The following TRERF1 variants were observed in gnomAD, a reference collection of about 807,000 sequenced individuals.
TRERF1 encodes the protein transcriptional regulating factor 1, also known as transcriptional-regulating factor 1.
Under a neutral mutation model 122.9 loss-of-function variants are expected in TRERF1, and 27 were observed. The observed-to-expected ratio is 0.22, with a 90% CI of 0.16 to 0.30. The LOEUF is 0.30. Among genes scored for constraint, TRERF1 ranks in the 10% least tolerant of loss-of-function variants. TRERF1 has a pLI of 1.00. For missense variants in TRERF1, 1,248 were observed against 1,560.3 expected (o/e 0.80, Z 3.37); for synonymous variants, 636 against 641.7 (o/e 0.99, Z 0.13).
At chr6:42,242,390 A>G (rs909614308) in intron 15 of TRERF1, among the ~76,000 whole-genome samples, 1 of 152,054 alleles carries the variant, frequency 6.6e-6, no homozygotes, top group African/African-American at 2.4e-5. Flanking sequence ...GAATGAAAAT[A>G]TAATTTCAAA....
Position 42,267,646 on chromosome 6 carries a change from CAAAAAT to C in TRERF1, c.1437+502_1437+507del, listed in dbSNP as rs1428448305. Among the ~76,000 whole-genome samples, 79 of 152,096 alleles carry C rather than the reference CAAAAAT, an allele frequency of 5.2e-4. 1 individual carries two copies. Among genetic ancestry groups the C allele is most frequent in the African/African-American group, 1.9e-3 (77 of 41,476 alleles). ...GACTCCATCTCAAAAAAAACAAAAA[CAAAAAT>C]AAAAACAAAAACCCTGGTGTATTTA... On this transcript the variant is annotated intron_variant, in intron 5 of 17. Coordinates refer to ENST00000372922, the Ensembl canonical transcript of TRERF1.
intron 3 of TRERF1, among the ~76,000 whole-genome samples, chr6:42,309,631 T>A (rs1787886442): frequency 6.6e-6 from 1 of 152,222 alleles, no homozygotes; most frequent in Admixed American, 6.5e-5. Context: ...AATTGGACTT[T>A]GCTATCCCCA....
chr6:42,255,523 C>T (rs1170682151), intron 12 of TRERF1, among the ~76,000 whole-genome samples: 1 of 152,226 alleles, frequency 6.6e-6, no homozygotes, highest in African/African-American at 2.4e-5. Flanking sequence ...GAGTACGTCC[C>T]TCACCTGGGA....
At chr6:42,289,793 G>A (rs933357726) in intron 4 of TRERF1, among the ~76,000 whole-genome samples, 1 of 152,208 alleles carries the variant, frequency 6.6e-6, no homozygotes, top group Non-Finnish European at 1.5e-5. Context: ...ATGGACTGGA[G>A]GAAGGTGAAT....
intron 3 of TRERF1, among the ~76,000 whole-genome samples, chr6:42,346,143 C>T (rs1291490820): frequency 1.3e-5 from 2 of 152,220 alleles, no homozygotes; most frequent in Admixed American, 6.5e-5. Flanking sequence ...AGAGGGTGGG[C>T]TCATGCTCAG....
chr6:42,246,493 G>A (rs773898785), exon 14 of TRERF1: 1 of 1,599,646 alleles, frequency 6.3e-7, no homozygotes, highest in Non-Finnish European at 8.5e-7. Flanking sequence ...GCTGTAAGTG[G>A]CTAGTGCTTT....
At chr6:42,372,968 G>T (rs115503728) in intron 2 of TRERF1, among the ~76,000 whole-genome samples, 126 of 152,266 alleles carry the variant, frequency 8.3e-4, no homozygotes, top group African/African-American at 3.0e-3. Context: ...TGAGCAACTG[G>T]GTAGCTTGCT....
intron 2 of TRERF1, among the ~76,000 whole-genome samples, chr6:42,433,904 AG>A (rs1212732984): frequency 1.3e-5 from 2 of 152,114 alleles, no homozygotes; most frequent in Non-Finnish European, 2.9e-5. Context: ...GCACACCTAC[AG>A]TCCCAGCTAC....
Position 42,282,417 on chromosome 6 carries a change from G to A in TRERF1, c.-258-12569C>T, listed in dbSNP as rs572999328. 2.0e-5 allele frequency among the ~76,000 whole-genome samples: 3 copies of A among 152,252 alleles called. No homozygotes were observed. The South Asian group carries it at 6.2e-4, about 32-fold the overall frequency. ...ACAAAAATCAGCCAGGTGTGGTGGTGCACACTTGTAGTCCCAGCTACTTGG... is the reference window on the plus strand; with the variant it reads ...ACAAAAATCAGCCAGGTGTGGTGGTACACACTTGTAGTCCCAGCTACTTGG... On this transcript the variant is annotated intron_variant, in intron 4 of 17. Transcript: ENST00000372922.
chr6:42,259,947 C>G lies in TRERF1; in HGVS notation c.1885-224G>C, dbSNP rs1430619235. ...AGGTTTTGGAAGAAATCCCTAATTTCTGAAAGAGCTGGGGGTGGTAGGAAT... is the reference window on the plus strand; with the variant it reads ...AGGTTTTGGAAGAAATCCCTAATTTGTGAAAGAGCTGGGGGTGGTAGGAAT... On this transcript the variant is annotated intron_variant, in intron 8 of 17. Coordinates refer to ENST00000372922, the Ensembl canonical transcript of TRERF1. The surrounding 1 kb of genome is among the most constrained non-coding windows in gnomAD (Gnocchi z 4.9). Among the ~76,000 whole-genome samples, 1 of 151,824 alleles carries G rather than the reference C, an allele frequency of 6.6e-6. No individual in the cohort carries two copies. Among genetic ancestry groups the G allele is most frequent in the Non-Finnish European group, 1.5e-5 (1 of 67,972 alleles).
In TRERF1 at chr6:42,269,839, T is replaced by C; in HGVS notation, c.-249A>G. The C allele has an allele frequency of 1.0e-6, 1 of 977,482 alleles. No homozygotes were observed. Among genetic ancestry groups the C allele is most frequent in the Non-Finnish European group, 1.4e-6 (1 of 719,874 alleles). 60.6% of individuals were successfully genotyped at this position (977,482 alleles called of 1,614,324 possible). A position where few individuals can be genotyped will look rare whatever the true frequency, so the allele number is the denominator to read the frequency against. On this transcript the variant is annotated 5_prime_UTR_variant, in exon 5 of 18. Coordinates refer to ENST00000372922, the Ensembl canonical transcript of TRERF1. The surrounding 1 kb of genome is among the most constrained non-coding windows in gnomAD (Gnocchi z 4.9). ...CACACAGCACTGTGGTGAGGAGACG[T>C]CGCTCACACCTGCAAGGCAAGATGC...
chr6:42,246,715 C>A (rs1004826565), intron 13 of TRERF1, among the ~76,000 whole-genome samples, 171 bp from the exon 14 acceptor site: 1 of 152,132 alleles, frequency 6.6e-6, no homozygotes, highest in Non-Finnish European at 1.5e-5. Context: ...AGCTCTGACA[C>A]CTGGGTTCAA....
chr6:42,375,596 C>T (rs1289384570), intron 2 of TRERF1, among the ~76,000 whole-genome samples: 3 of 152,112 alleles, frequency 2.0e-5, no homozygotes, highest in Admixed American at 1.3e-4. Context: ...GTTCCAAAGG[C>T]GATTAAGACA....
chr6:42,418,214 T>C (rs1479435710), intron 2 of TRERF1, among the ~76,000 whole-genome samples: 1 of 54,100 alleles, frequency 1.8e-5, no homozygotes, highest in Admixed American at 3.3e-4. Flanking sequence ...TTTCTTTTTC[T>C]TTCCTTTTTT....
At chr6:42,253,638 C>T (rs1020857772) in intron 13 of TRERF1, among the ~76,000 whole-genome samples, 2 of 152,126 alleles carry the variant, frequency 1.3e-5, no homozygotes, top group Admixed American at 6.5e-5. Flanking sequence ...CTGTATTGGC[C>T]TAGTTCCAGG....
chr6:42,329,531 C>A (rs553839825), intron 3 of TRERF1, among the ~76,000 whole-genome samples: 1 of 152,286 alleles, frequency 6.6e-6, no homozygotes, highest in South Asian at 2.1e-4. Context: ...TGTCCACTGT[C>A]TTCTGAAGGA....
In TRERF1 at chr6:42,259,434, C is replaced by A. The variant is rs1244759860; in HGVS notation, c.2174G>T (p.Ser725Ile). The A allele has an allele frequency of 6.3e-7, 1 of 1,592,340 alleles. No individual in the cohort carries two copies. The highest frequency in any genetic ancestry group is 1.1e-5 in the South Asian group (1 of 88,988). The change falls in exon 9 of 18, where the codon AGC becomes ATC. Residue 725 changes from serine to isoleucine, a missense_variant. This residue lies in a region of TRERF1 where 946 missense variants were observed against 1,073.0 expected (regional missense o/e 0.88). Transcript: ENST00000372922. This position sits in a 1 kb window ranked among gnomAD's most constrained non-coding sequence, Gnocchi z 4.9. ...GCCGTGGCCGGAGATGAGGACATTG[C>A]TGAAGAGCCCCGAGCCCTGGCGCAC...
intron 2 of TRERF1, among the ~76,000 whole-genome samples, chr6:42,368,729 A>T (rs1002143577): frequency 2.0e-5 from 3 of 152,202 alleles, no homozygotes; most frequent in African/African-American, 7.2e-5. Flanking sequence ...CTTCTGGGTC[A>T]AAAAAGTAAT....
At chr6:42,227,292 A>G (rs1769682386) in exon 18 of TRERF1, 1 of 152,240 alleles carries the variant, frequency 6.6e-6, no homozygotes, top group African/African-American at 2.4e-5. Flanking sequence ...TATAGCTAAC[A>G]TCAAGGTAAA....
Sources: allele counts gnomAD v4.1 joint callset (sites outside exome capture counted in the v4.1 genomes callset), GRCh38; gene constraint gnomAD v4.1.1; regional missense constraint gnomAD v4.1.1; non-coding constraint Gnocchi (gnomAD v3.1); transcripts MANE v1.5; gene names NCBI Gene and HGNC (gene_info 2026-07-23, HGNC 2026-07-21).